PTPRD: variants seen among roughly 807,000 people sequenced by gnomAD.
PTPRD encodes the protein receptor-type tyrosine-protein phosphatase delta.
Under a neutral mutation model 214.5 loss-of-function variants are expected in PTPRD, and 34 were observed. The ratio of observed to expected loss-of-function variants is 0.16; its 90% CI spans 0.12 to 0.21. The LOEUF is 0.21. PTPRD is among the 10% of genes least tolerant of loss of function. The probability of loss-of-function intolerance (pLI) is 1.00; values close to 1 mark genes in which losing one functional copy is unlikely to be tolerated. For missense variants in PTPRD, 2,545 were observed against 2,398.7 expected (o/e 1.06, Z -1.27); for synonymous variants, 1,128 against 845.7 (o/e 1.33, Z -5.79).
chr9:10,505,309 A>G (rs1292956503), intron 2 of PTPRD, among the ~76,000 whole-genome samples: 2 of 152,300 alleles, frequency 1.3e-5, no homozygotes, highest in African/African-American at 2.4e-5. Flanking sequence ...TTTAAAGTTT[A>G]GGTCTCATTA....
At chr9:9,521,732 A>G (rs879341093) in intron 8 of PTPRD, among the ~76,000 whole-genome samples, 10 of 152,214 alleles carry the variant, frequency 6.6e-5, no homozygotes, top group Admixed American at 6.5e-4. Flanking sequence ...GGAAAAGGTT[A>G]ACAAAGTAAA....
At chr9:9,505,033 A>G (rs578149639) in intron 8 of PTPRD, among the ~76,000 whole-genome samples, 85 of 151,728 alleles carry the variant, frequency 5.6e-4, no homozygotes, top group Middle Eastern at 3.4e-3. Flanking sequence ...GTAGTCAAGG[A>G]CACTTCCTCC....
chr9:8,862,705 C>T (rs951328362), intron 11 of PTPRD, among the ~76,000 whole-genome samples: 17 of 152,322 alleles, frequency 1.1e-4, no homozygotes, highest in Non-Finnish European at 1.9e-4. Flanking sequence ...CTTTCCTTTT[C>T]TTCAAGGCAG....
At chr9:8,675,182 G>C (rs2097375437) in intron 12 of PTPRD, among the ~76,000 whole-genome samples, 2 of 151,936 alleles carry the variant, frequency 1.3e-5, no homozygotes, top group African/African-American at 2.4e-5. Context: ...ATTCCACCCG[G>C]GTTTGAAATC....
intron 39 of PTPRD, among the ~76,000 whole-genome samples, chr9:8,353,767 C>G (rs2076143823): frequency 6.6e-6 from 1 of 150,792 alleles, no homozygotes; most frequent in Admixed American, 6.6e-5. Context: ...ACCCTTTTGC[C>G]TACTCACATT....
At chr9:9,483,302 A>T (rs2095494197) in intron 8 of PTPRD, among the ~76,000 whole-genome samples, 2 of 152,192 alleles carry the variant, frequency 1.3e-5, no homozygotes, top group African/African-American at 4.8e-5. Flanking sequence ...AATTTCATAC[A>T]GCAAGTACGT....
chr9:8,767,700 T>C (rs2094868811), intron 11 of PTPRD, among the ~76,000 whole-genome samples: 1 of 152,190 alleles, frequency 6.6e-6, no homozygotes, highest in African/African-American at 2.4e-5. Flanking sequence ...ATTTTGTGTT[T>C]GTTTTTTTAA....
In PTPRD at chr9:10,480,464, C is replaced by T. The variant is rs140132279; in HGVS notation, c.-600+131934G>A. On this transcript the variant is annotated intron_variant, in intron 2 of 45. Coordinates refer to ENST00000381196, the MANE Select transcript of PTPRD (RefSeq NM_002839.4). ...GTGAGTCAATGCAATGTTACAAACG[C>T]TATTTTGGTGGCAATTCATATGCCA... Among the ~76,000 whole-genome samples, 28 of 152,062 alleles carry T rather than the reference C, an allele frequency of 1.8e-4. No individual in the cohort carries two copies. The East Asian group carries it at 4.3e-3, about 23-fold the overall frequency.
chr9:8,936,247 C>CA (rs1446482932), intron 11 of PTPRD: 1 of 151,464 alleles, frequency 6.6e-6, no homozygotes, highest in Non-Finnish European at 1.5e-5. Context: ...CCCATCTCTA[C>CA]AAAAAATACA....
intron 2 of PTPRD, among the ~76,000 whole-genome samples, chr9:10,415,201 C>A (rs2098475579): frequency 1.3e-5 from 2 of 151,732 alleles, no homozygotes; most frequent in Non-Finnish European, 2.9e-5. Context: ...ATATACCTCA[C>A]AATGTTGCTG....
intron 7 of PTPRD, among the ~76,000 whole-genome samples, chr9:9,638,812 G>T (rs904467896): frequency 6.6e-6 from 1 of 152,148 alleles, no homozygotes; most frequent in African/African-American, 2.4e-5. Flanking sequence ...GAGGCTGGCA[G>T]ATTTGGTGTC....
intron 8 of PTPRD, among the ~76,000 whole-genome samples, chr9:9,543,221 T>C (rs1378237166): frequency 6.6e-6 from 1 of 151,752 alleles, no homozygotes; most frequent in East Asian, 1.9e-4. Flanking sequence ...TATTTTAAGA[T>C]TCCATTTACA....
At chr9:8,860,317 G>C (rs1486608707) in intron 11 of PTPRD, 1 of 152,180 alleles carries the variant, frequency 6.6e-6, no homozygotes, top group East Asian at 1.9e-4. Flanking sequence ...ATTTAAACTA[G>C]CAAGTAGAAA....
chr9:9,333,678 C>A (rs72698845), intron 9 of PTPRD, among the ~76,000 whole-genome samples: 9,162 of 151,304 alleles, frequency 0.061, 783 homozygotes, highest in East Asian at 0.42. Context: ...CTTGAACGTG[C>A]CACTTGGTTT....
At chr9:9,223,836 A>G (rs770834674) in intron 9 of PTPRD, among the ~76,000 whole-genome samples, 27 of 152,150 alleles carry the variant, frequency 1.8e-4, no homozygotes, top group Admixed American at 1.4e-3. Context: ...GGCTGAGTAC[A>G]TTACATATTC....
intron 7 of PTPRD, among the ~76,000 whole-genome samples, chr9:9,699,726 T>C (rs1018017346): frequency 2.0e-5 from 3 of 152,174 alleles, no homozygotes; most frequent in Non-Finnish European, 4.4e-5. Flanking sequence ...AGAGGGACCG[T>C]TAAAGTTTTA....
chr9:9,084,627 G>T (rs768214926), intron 10 of PTPRD, among the ~76,000 whole-genome samples: 18 of 152,102 alleles, frequency 1.2e-4, no homozygotes, highest in Non-Finnish European at 2.1e-4. Flanking sequence ...TAAATGAATG[G>T]GATCTGAGAG....
At chr9:9,005,615 G>A (rs1002850167) in intron 11 of PTPRD, among the ~76,000 whole-genome samples, 6 of 151,976 alleles carry the variant, frequency 3.9e-5, no homozygotes, top group Non-Finnish European at 8.8e-5. Flanking sequence ...AGTATAAGAA[G>A]ACTAAAATTC....
intron 12 of PTPRD, among the ~76,000 whole-genome samples, chr9:8,715,231 A>G (rs79005664): frequency 2.3e-3 from 356 of 152,322 alleles, no homozygotes; most frequent in African/African-American, 8.2e-3. Flanking sequence ...ACATCGACCA[A>G]TTATGAGCCT....
Sources: allele counts gnomAD v4.1 joint callset (sites outside exome capture counted in the v4.1 genomes callset), GRCh38; gene constraint gnomAD v4.1.1; transcripts MANE v1.5; gene names NCBI Gene and HGNC (gene_info 2026-07-23, HGNC 2026-07-21).